KLF15: variants seen among roughly 807,000 people sequenced by gnomAD.
The protein encoded by KLF15 is Krueppel-like factor 15.
KLF15 carries 4 observed loss-of-function variants against 24.6 expected under a neutral mutation model. The observed-to-expected ratio is 0.16, with a 90% confidence interval of 0.08 to 0.37. KLF15 has a LOEUF of 0.37. KLF15 is among the 10% of genes least tolerant of loss of function. KLF15 has a pLI of 1.00. For missense variants in KLF15, 496 were observed against 560.6 expected (o/e 0.88, Z 1.16); for synonymous variants, 246 against 236.3 (o/e 1.04, Z -0.37).
chr3:126,328,552 C>T, the KLF15 span, among the ~76,000 whole-genome samples: 7 of 152,266 alleles, frequency 4.6e-5, no homozygotes, highest in Middle Eastern at 6.8e-3. Context: ...CCACCAGCAG[C>T]GTAGAAGTGT....
At chr3:126,330,023 C>G in the KLF15 span, among the ~76,000 whole-genome samples, 1 of 152,068 alleles carries the variant, frequency 6.6e-6, no homozygotes, top group Non-Finnish European at 1.5e-5. Context: ...GGCCGTATGA[C>G]TTGTTCTGCC....
Position 126,343,380 on chromosome 3 carries a change from G to T in KLF15, c.*347C>A, listed in dbSNP as rs1046106606. 1.0e-5 allele frequency: 3 copies of T among 297,404 alleles called. No homozygotes were observed. The Admixed American group carries it at 1.6e-4, about 16-fold the overall frequency. The allele number at this position is 297,404 out of a possible 1,614,324, so 18.4% of individuals were successfully genotyped here. A position where few individuals can be genotyped will look rare whatever the true frequency, so the allele number is the denominator to read the frequency against. ...TAAAGTTCTGGCCTTGGCCCAGGAT[G>T]GGGGAGCCCAGTGGGAGAAGGGCCA... On this transcript the variant is annotated 3_prime_UTR_variant, in exon 3 of 3. Coordinates refer to ENST00000296233, the MANE Select transcript of KLF15 (RefSeq NM_014079.4).
chr3:126,315,109 C>A, the KLF15 span, among the ~76,000 whole-genome samples: 1 of 152,106 alleles, frequency 6.6e-6, no homozygotes, highest in South Asian at 2.1e-4. Context: ...TAGGCTGTCA[C>A]CCTGATCTCC....
At chr3:126,318,057 A>G in the KLF15 span, among the ~76,000 whole-genome samples, 16 of 152,130 alleles carry the variant, frequency 1.1e-4, no homozygotes, top group Admixed American at 9.8e-4. Context: ...ACCTGGACCC[A>G]TGGGAAAACA....
the KLF15 span, among the ~76,000 whole-genome samples, chr3:126,300,131 C>T: frequency 6.6e-6 from 1 of 152,060 alleles, no homozygotes; most frequent in Admixed American, 6.5e-5. Flanking sequence ...TCTGGGGACC[C>T]GGGGACTTCA....
At position 126,356,290 on chromosome 3, in the gene KLF15, C is replaced by T. The variant is rs2082631892; in HGVS notation, c.-26+947G>A. Among the ~76,000 whole-genome samples, 1 of 152,062 alleles carries T rather than the reference C, an allele frequency of 6.6e-6. No homozygotes were observed. The highest frequency in any genetic ancestry group is 1.5e-5 in the Non-Finnish European group (1 of 67,998). Reference sequence around the variant, plus strand: ...GGGTCTCCCCAGGGGCCACCTGGTCCGGGGGGACAGGGGGAAGGAGATTTG... The same window carrying T: ...GGGTCTCCCCAGGGGCCACCTGGTCTGGGGGGACAGGGGGAAGGAGATTTG... On this transcript the variant is annotated intron_variant, in intron 1 of 2. Coordinates refer to ENST00000296233, the MANE Select transcript of KLF15 (RefSeq NM_014079.4). The surrounding 1 kb of genome is among the most constrained non-coding windows in gnomAD (Gnocchi z 4.4).
the KLF15 span, among the ~76,000 whole-genome samples, chr3:126,318,847 G>T: frequency 3.9e-5 from 6 of 152,216 alleles, no homozygotes; most frequent in Admixed American, 3.9e-4. Flanking sequence ...TTTAAATTAG[G>T]GTTCACTCCT....
At chr3:126,292,665 G>C in the KLF15 span, among the ~76,000 whole-genome samples, 5 of 152,132 alleles carry the variant, frequency 3.3e-5, no homozygotes, top group Admixed American at 2.6e-4. Context: ...TGAGAAGGGA[G>C]AGCGAGCGAG....
At chr3:126,316,055 T>A in the KLF15 span, among the ~76,000 whole-genome samples, 72 of 152,346 alleles carry the variant, frequency 4.7e-4, no homozygotes, top group African/African-American at 1.4e-3. Flanking sequence ...GAACTGTATT[T>A]GCATTTTTAA....
chr3:126,313,713 C>T, the KLF15 span, among the ~76,000 whole-genome samples: 2 of 152,198 alleles, frequency 1.3e-5, no homozygotes, highest in African/African-American at 4.8e-5. Flanking sequence ...ACAGACCTGC[C>T]TTGTATGAGC....
At chr3:126,315,074 C>T in the KLF15 span, among the ~76,000 whole-genome samples, 1 of 152,104 alleles carries the variant, frequency 6.6e-6, no homozygotes, top group Non-Finnish European at 1.5e-5. Flanking sequence ...CTATTTGCTG[C>T]CAATCTTTGG....
At chr3:126,323,898 C>T in the KLF15 span, among the ~76,000 whole-genome samples, 5 of 151,746 alleles carry the variant, frequency 3.3e-5, no homozygotes, top group East Asian at 9.7e-4. Flanking sequence ...AGGACATGAT[C>T]TCATTCCTTT....
chr3:126,343,565 A>C lies in KLF15; in HGVS notation c.*162T>G, dbSNP rs1448560411. 3.0e-6 allele frequency: 2 copies of C among 676,220 alleles called. No homozygotes were observed. Among genetic ancestry groups the C allele is most frequent in the African/African-American group, 3.7e-5 (2 of 53,810 alleles). 41.9% of individuals were successfully genotyped at this position (676,220 alleles called of 1,614,324 possible). On this transcript the variant is annotated 3_prime_UTR_variant, in exon 3 of 3. Coordinates refer to ENST00000296233, the MANE Select transcript of KLF15 (RefSeq NM_014079.4). ...TCGAGGCTCTAAGTACTCCCGAGAA[A>C]GGCAGCGGTTGGCGGGCCCTGGGTT...
the KLF15 span, among the ~76,000 whole-genome samples, chr3:126,315,505 C>T: frequency 1.3e-5 from 2 of 152,126 alleles, no homozygotes; most frequent in East Asian, 3.9e-4. Context: ...AGGGAAGTTC[C>T]CAGACATTGG....
chr3:126,330,046 G>A, the KLF15 span, among the ~76,000 whole-genome samples: 2 of 152,182 alleles, frequency 1.3e-5, 1 homozygote, highest in South Asian at 4.1e-4. Flanking sequence ...GTGGGTCAGA[G>A]CAGACAGGAT....
the KLF15 span, among the ~76,000 whole-genome samples, chr3:126,311,988 G>A: frequency 2.0e-5 from 3 of 152,202 alleles, no homozygotes; most frequent in Non-Finnish European, 4.4e-5. Flanking sequence ...CTTCCTGGTA[G>A]GATGGGAAGT....
At chr3:126,296,841 T>C in the KLF15 span, among the ~76,000 whole-genome samples, 10,004 of 152,346 alleles carry the variant, frequency 0.066, 984 homozygotes, top group African/African-American at 0.22. Flanking sequence ...TCCTTTCTTC[T>C]TAGTTTGTAA....
intron 1 of KLF15, 140 bp from the exon 2 acceptor site, chr3:126,353,087 G>T (rs904757324): frequency 1.0e-6 from 1 of 1,000,490 alleles, no homozygotes; most frequent in African/African-American, 1.6e-5. Flanking sequence ...TCCCCCAGGA[G>T]AGCTGTGCCT....
rs372291023 is a variant in KLF15, at chr3:126,352,621, C to T, written c.302G>A (p.Gly101Asp). The part of the protein sequence containing the change: ...GSGSSIGASS[G>D]PVAWGPWRRA... ...TCGCCAGGGCCCCCAGGCCACGGGG[C>T]CACTGCTGGCCCCAATGCTACTGCC... is the stretch of plus-strand genomic sequence containing the variant. Residue 101 changes from glycine to aspartate, a missense_variant, in exon 2 of 3, where the codon GGC becomes GAC. Around this residue, in one of 3 missense-constraint regions of KLF15, gnomAD observed 399 missense variants for 423.1 expected, o/e 0.94. Coordinates refer to ENST00000296233, the MANE Select transcript of KLF15 (RefSeq NM_014079.4). 1 of 1,603,506 alleles carries T rather than the reference C, an allele frequency of 6.2e-7. No individual in the cohort carries two copies. Among genetic ancestry groups the T allele is most frequent in the Non-Finnish European group, 8.5e-7 (1 of 1,175,910 alleles).
Sources: gnomAD v4.1 joint callset for allele counts (sites outside exome capture counted in the v4.1 genomes callset) on GRCh38, gnomAD v4.1.1 for gene constraint, gnomAD v4.1.1 regional missense constraint, Gnocchi (gnomAD v3.1) non-coding constraint, MANE v1.5 for transcripts, NCBI Gene and HGNC (gene_info 2026-07-23, HGNC 2026-07-21) for gene names.